SGK1: variants seen among roughly 807,000 people sequenced by gnomAD.
SGK1 encodes the protein serum/glucocorticoid regulated kinase 1.
In SGK1, 26 loss-of-function variants were observed where a neutral mutation model predicts 64.2. That is an observed-to-expected ratio of 0.40 (90% CI 0.30 to 0.56). SGK1 has a LOEUF of 0.56. SGK1 is among the 20% of genes least tolerant of loss of function. The pLI is 0.38. For synonymous variants in SGK1, 265 were observed against 239.7 expected (o/e 1.11, Z -0.98); for missense variants, 519 against 645.6 (o/e 0.80, Z 2.12).
chr6:134,187,576 C>T (rs1775444482), intron 3 of SGK1, among the ~76,000 whole-genome samples: 1 of 152,222 alleles, frequency 6.6e-6, no homozygotes, highest in Non-Finnish European at 1.5e-5. Flanking sequence ...TTCAAAAGGC[C>T]ATTACACCAT....
chr6:134,300,182 G>C (rs1777425869), intron 1 of SGK1, among the ~76,000 whole-genome samples: 1 of 152,128 alleles, frequency 6.6e-6, no homozygotes, highest in African/African-American at 2.4e-5. Flanking sequence ...GGATGTTAAG[G>C]AGGGAAAGGC....
In SGK1 at chr6:134,174,082, T is replaced by G. The variant is rs1321356158; in HGVS notation, c.438-2A>C. 6.2e-7 allele frequency: 1 copy of G among 1,611,992 alleles called. No homozygotes were observed. Among genetic ancestry groups the G allele is most frequent in the East Asian group, 2.2e-5 (1 of 44,836 alleles). ...TTCAAGATGGACTGAACTTCAGGGC[T>G]GCAGGGAATAAAGGGCACGATTTAG... On this transcript the variant is annotated splice_acceptor_variant, in intron 4 of 13. Transcript: ENST00000367858. LOFTEE classifies it high-confidence loss of function.
intron 2 of SGK1, among the ~76,000 whole-genome samples, chr6:134,229,982 T>C (rs1776252014): frequency 1.3e-5 from 2 of 152,144 alleles, no homozygotes; most frequent in South Asian, 4.1e-4. Flanking sequence ...AAAGCCTATA[T>C]GCAAAAAATA....
At chr6:134,241,863 G>A (rs1423294969) in intron 2 of SGK1, among the ~76,000 whole-genome samples, 6 of 149,904 alleles carry the variant, frequency 4.0e-5, no homozygotes, top group African/African-American at 9.8e-5. Flanking sequence ...CTCGTGATCC[G>A]CCCACCTCGG....
intron 3 of SGK1, among the ~76,000 whole-genome samples, chr6:134,187,732 A>G (rs144413779): frequency 4.5e-4 from 68 of 152,334 alleles, no homozygotes; most frequent in Admixed American, 2.9e-3. Context: ...GTGGAATACC[A>G]TGACAGGGGA....
chr6:134,207,069 C>CA (rs368173968), intron 3 of SGK1, among the ~76,000 whole-genome samples: 18 of 151,252 alleles, frequency 1.2e-4, no homozygotes, highest in Admixed American at 4.0e-4. Context: ...ACTAAAAATA[C>CA]AAAAAAATTA....
rs1247403867 is a variant in SGK1, at chr6:134,317,487, T to C, written c.-27A>G. ...TTCCACCGTGGGGAATTCACAGTTA[T>C]AGATCCAGGTTGGCACCCGCCTGGT... is the stretch of plus-strand genomic sequence containing the variant. On this transcript the variant is annotated 5_prime_UTR_variant, in exon 1 of 14. Transcript: ENST00000367858. The C allele has an allele frequency of 3.3e-6, 5 of 1,514,696 alleles. No homozygotes were observed. The highest frequency in any genetic ancestry group is 1.1e-5 in the South Asian group (1 of 89,108). The allele number at this position is 1,514,696 out of a possible 1,614,324, so 93.8% of individuals were successfully genotyped here.
intron 5 of SGK1, 22 bp from the exon 6 acceptor site, chr6:134,173,588 T>G (rs1265335149): frequency 6.3e-6 from 9 of 1,430,730 alleles, no homozygotes; most frequent in Non-Finnish European, 8.7e-6. Context: ...AAAAAAGAAT[T>G]TCTTTTAATA....
intron 2 of SGK1, among the ~76,000 whole-genome samples, chr6:134,232,320 G>A (rs1367811398): frequency 6.6e-6 from 1 of 151,612 alleles, no homozygotes; most frequent in South Asian, 2.1e-4. Context: ...GGGAGGCAGA[G>A]GTTGCAGTGA....
At chr6:134,306,793 C>G (rs1293304897) in intron 1 of SGK1, among the ~76,000 whole-genome samples, 2 of 151,702 alleles carry the variant, frequency 1.3e-5, no homozygotes, top group East Asian at 3.9e-4. Context: ...AGATGTTAGC[C>G]ACTGAGCTCG....
At chr6:134,174,425 C>T in intron 4 of SGK1, 86 bp downstream of exon 4, 1 of 955,962 alleles carries the variant, frequency 1.0e-6, no homozygotes, top group Non-Finnish European at 1.6e-6. Flanking sequence ...AAGTCTTCGC[C>T]TTCCCGATAA....
chr6:134,303,903 A>C (rs549320138), intron 1 of SGK1, among the ~76,000 whole-genome samples: 1 of 152,310 alleles, frequency 6.6e-6, no homozygotes, highest in Non-Finnish European at 1.5e-5. Flanking sequence ...GGCTGGCCCA[A>C]TGACGTTTTG....
chr6:134,292,690 A>T (rs1418693442), intron 1 of SGK1, among the ~76,000 whole-genome samples: 1 of 152,228 alleles, frequency 6.6e-6, no homozygotes, highest in African/African-American at 2.4e-5. Context: ...AGTGAGAGAA[A>T]AAGATGAAAA....
At chr6:134,171,234 T>C in intron 11 of SGK1, 56 bp from the exon 12 acceptor site, 3 of 1,493,114 alleles carry the variant, frequency 2.0e-6, no homozygotes, top group Non-Finnish European at 1.9e-6. Flanking sequence ...ATGGCACACA[T>C]TACCAGTAGA....
At chr6:134,175,507 G>C in intron 3 of SGK1, 1 of 1,440,558 alleles carries the variant, frequency 6.9e-7, no homozygotes, top group Non-Finnish European at 9.2e-7. Flanking sequence ...CTGGGGAAGT[G>C]AGCCAAGCCC....
At chr6:134,299,366 A>G (rs1187030112) in intron 1 of SGK1, among the ~76,000 whole-genome samples, 2 of 152,098 alleles carry the variant, frequency 1.3e-5, no homozygotes, top group East Asian at 3.9e-4. Context: ...CCTTATCTCA[A>G]ACAAAACAAA....
intron 2 of SGK1, among the ~76,000 whole-genome samples, chr6:134,245,967 C>T (rs2114730002): frequency 6.6e-6 from 1 of 152,286 alleles, no homozygotes; most frequent in South Asian, 2.1e-4. Context: ...GAAATCTCTA[C>T]TTCCTTTTTT....
intron 3 of SGK1, among the ~76,000 whole-genome samples, chr6:134,198,359 T>C (rs1471388581): frequency 6.6e-6 from 1 of 152,234 alleles, no homozygotes; most frequent in African/African-American, 2.4e-5. Flanking sequence ...TGGAAAATTC[T>C]TGTGTAAGCA....
chr6:134,233,200 G>A (rs1763509), intron 2 of SGK1, among the ~76,000 whole-genome samples: 90,328 of 152,040 alleles, frequency 0.59, 29,856 homozygotes, highest in South Asian at 0.85. Flanking sequence ...ATTTGAGCCC[G>A]CTTTCTCATA....
Sources: allele counts gnomAD v4.1 joint callset (sites outside exome capture counted in the v4.1 genomes callset), GRCh38; gene constraint gnomAD v4.1.1; transcripts MANE v1.5; gene names NCBI Gene and HGNC (gene_info 2026-07-23, HGNC 2026-07-21).